KIAA1217: variants seen among roughly 807,000 people sequenced by gnomAD.
The protein encoded by KIAA1217 is KIAA1217, also known as sickle tail protein homolog.
A neutral mutation model predicts 163.9 loss-of-function variants in KIAA1217; 88 were observed. That is an observed-to-expected ratio of 0.54 (90% CI 0.45 to 0.64). The LOEUF (loss-of-function observed/expected upper bound fraction) is 0.64. Ranked by LOEUF, KIAA1217 falls within the 30% of genes least tolerant of loss-of-function variation. The probability of loss-of-function intolerance (pLI) is 0.00; values close to 1 mark genes in which losing one functional copy is unlikely to be tolerated. For missense variants in KIAA1217, 2,372 were observed against 2,475.0 expected (o/e 0.96, Z 0.88); for synonymous variants, 903 against 923.1 (o/e 0.98, Z 0.39).
intron 3 of KIAA1217, among the ~76,000 whole-genome samples, chr10:24,426,448 C>A (rs1041112754): frequency 6.6e-5 from 10 of 152,014 alleles, no homozygotes; most frequent in Non-Finnish European, 1.0e-4. Flanking sequence ...ATACCAAAAC[C>A]CCGTCTCTAC....
intron 2 of KIAA1217, among the ~76,000 whole-genome samples, chr10:24,290,921 C>A (rs552887209): frequency 2.2e-4 from 33 of 152,142 alleles, no homozygotes; most frequent in African/African-American, 7.7e-4. Context: ...CTCTTAAGAC[C>A]TTTTATTGTG....
intron 2 of KIAA1217, among the ~76,000 whole-genome samples, chr10:24,088,842 C>T (rs1403298779): frequency 8.1e-6 from 1 of 124,022 alleles, no homozygotes; most frequent in Non-Finnish European, 2.0e-5. Context: ...ATGGTATTTC[C>T]AGTTCTAGAT....
intron 1 of KIAA1217, among the ~76,000 whole-genome samples, chr10:23,928,427 T>C (rs1259325363): frequency 6.6e-6 from 1 of 152,234 alleles, no homozygotes; most frequent in Non-Finnish European, 1.5e-5. Context: ...TGATGAATTG[T>C]TCATCATGCA....
intron 1 of KIAA1217, among the ~76,000 whole-genome samples, chr10:23,844,707 C>CTT (rs535840734): frequency 2.2e-4 from 32 of 144,034 alleles, no homozygotes; most frequent in African/African-American, 7.4e-4. Flanking sequence ...CTTTTCTTTT[C>CTT]TTTTTTTTTT....
chr10:23,854,062 A>G (rs961454453), intron 1 of KIAA1217, among the ~76,000 whole-genome samples: 89 of 152,012 alleles, frequency 5.9e-4, no homozygotes, highest in African/African-American at 2.1e-3. Flanking sequence ...CTAGCTTTTG[A>G]ATGTGTTTGC....
intron 1 of KIAA1217, among the ~76,000 whole-genome samples, chr10:23,818,122 T>C (rs928564251): frequency 7.5e-4 from 106 of 141,370 alleles, no homozygotes; most frequent in African/African-American, 2.7e-3. Flanking sequence ...TATATATATA[T>C]ACTCACACAC....
chr10:23,753,708 T>G (rs1833772727), intron 1 of KIAA1217, among the ~76,000 whole-genome samples: 1 of 152,238 alleles, frequency 6.6e-6, no homozygotes, highest in Non-Finnish European at 1.5e-5. Flanking sequence ...TAATCTGTTT[T>G]AATGATTAAA....
intron 2 of KIAA1217, chr10:24,158,481 A>G: frequency 1.9e-6 from 1 of 533,676 alleles, no homozygotes; most frequent in Non-Finnish European, 3.8e-6. Flanking sequence ...ATCAGTCTAA[A>G]CTGCAGGCTC....
At chr10:24,278,103 A>G (rs1318556459) in intron 2 of KIAA1217, among the ~76,000 whole-genome samples, 1 of 152,212 alleles carries the variant, frequency 6.6e-6, no homozygotes, top group Non-Finnish European at 1.5e-5. Context: ...TGTGTGTGAA[A>G]GTAGCGAGGA....
At chr10:24,531,703 A>G in intron 14 of KIAA1217, 127 bp from the exon 15 acceptor site, 9 of 889,154 alleles carry the variant, frequency 1.0e-5, no homozygotes, top group Non-Finnish European at 1.3e-5. Flanking sequence ...TATACACTTA[A>G]TCCTTGCTCT....
intron 13 of KIAA1217, among the ~76,000 whole-genome samples, chr10:24,525,845 C>T (rs892838429): frequency 2.0e-5 from 3 of 151,996 alleles, no homozygotes; most frequent in Non-Finnish European, 2.9e-5. Flanking sequence ...CAAAAATTAG[C>T]TGGGCATGGT....
At chr10:24,513,674 G>C (rs1434025840) in intron 10 of KIAA1217, among the ~76,000 whole-genome samples, 2 of 151,912 alleles carry the variant, frequency 1.3e-5, no homozygotes, top group Non-Finnish European at 2.9e-5. Context: ...GGCATTGCTG[G>C]GCATGGTAGT....
At chr10:23,947,324 C>A (rs372630101) in intron 1 of KIAA1217, among the ~76,000 whole-genome samples, 1 of 152,112 alleles carries the variant, frequency 6.6e-6, no homozygotes. Context: ...TTCCAAAGAA[C>A]CTTTGTTTAG....
intron 2 of KIAA1217, among the ~76,000 whole-genome samples, chr10:24,345,799 T>G (rs532132494): frequency 6.6e-6 from 1 of 152,310 alleles, no homozygotes; most frequent in African/African-American, 2.4e-5. Flanking sequence ...ACTTTACGAT[T>G]TTTTAAATTG....
intron 1 of KIAA1217, among the ~76,000 whole-genome samples, chr10:23,845,576 A>T (rs1328315984): frequency 6.6e-6 from 1 of 151,882 alleles, no homozygotes; most frequent in Non-Finnish European, 1.5e-5. Flanking sequence ...CAACTTTTTG[A>T]TGGTTTTTTC....
intron 2 of KIAA1217, among the ~76,000 whole-genome samples, chr10:24,269,129 C>T (rs2076530767): frequency 7.0e-6 from 1 of 143,316 alleles, no homozygotes; most frequent in South Asian, 2.2e-4. Flanking sequence ...TTAGTGGGTG[C>T]AGCGCACCAG....
chr10:24,022,341 A>T (rs1847769505), intron 2 of KIAA1217, among the ~76,000 whole-genome samples: 1 of 151,928 alleles, frequency 6.6e-6, no homozygotes, highest in Admixed American at 6.6e-5. Flanking sequence ...GATGGGAAAT[A>T]TGCATATGAA....
At chr10:23,889,947 C>T (rs1841351908) in intron 1 of KIAA1217, among the ~76,000 whole-genome samples, 1 of 151,708 alleles carries the variant, frequency 6.6e-6, no homozygotes, top group African/African-American at 2.4e-5. Flanking sequence ...ATATCTTTAG[C>T]AGGTTGTAGG....
chr10:24,134,345 G>A (rs1400100798), intron 2 of KIAA1217, among the ~76,000 whole-genome samples: 1 of 152,180 alleles, frequency 6.6e-6, no homozygotes, highest in Non-Finnish European at 1.5e-5. Flanking sequence ...TTTGGCTGAA[G>A]CCAAGCATGG....
Sources: allele counts gnomAD v4.1 joint callset (sites outside exome capture counted in the v4.1 genomes callset), GRCh38; gene constraint gnomAD v4.1.1; transcripts MANE v1.5; gene names NCBI Gene and HGNC (gene_info 2026-07-23, HGNC 2026-07-21).